The following POLR3G variants were observed in gnomAD, a reference collection of about 807,000 sequenced individuals.
The protein encoded by POLR3G is RNA polymerase III subunit G.
In POLR3G, 28 loss-of-function variants were observed where a neutral mutation model predicts 30.1. That is an observed-to-expected ratio of 0.93 (90% CI 0.69 to 1.27). The LOEUF (loss-of-function observed/expected upper bound fraction) is 1.27. Among genes scored for constraint, POLR3G ranks in the 50% most tolerant of loss-of-function variants. The pLI is 0.00. For missense variants in POLR3G, 254 were observed against 264.6 expected (o/e 0.96, Z 0.28); for synonymous variants, 79 against 82.5 (o/e 0.96, Z 0.23).
intron 1 of POLR3G, among the ~76,000 whole-genome samples, chr5:90,480,431 A>C (rs1751069040): frequency 6.6e-6 from 1 of 152,234 alleles, no homozygotes; most frequent in Admixed American, 6.5e-5. Flanking sequence ...AATGTGTCAA[A>C]AGCTAGGAAG....
At chr5:90,496,415 A>G (rs1231581607) in intron 4 of POLR3G, among the ~76,000 whole-genome samples, 2 of 152,238 alleles carry the variant, frequency 1.3e-5, no homozygotes, top group Non-Finnish European at 2.9e-5. Flanking sequence ...TTTGAAGAGA[A>G]AGCAAAAATC....
upstream of POLR3G, chr5:90,474,403 A>G: frequency 1.0e-6 from 1 of 1,003,124 alleles, no homozygotes; most frequent in Admixed American, 2.3e-5. Flanking sequence ...GCAGCCAGGG[A>G]GGAGGCGTAG....
rs575224096 is a variant in POLR3G at position 90,511,449 on chromosome 5, C to T, written c.586-604C>T. On this transcript the variant is annotated intron_variant, in intron 7 of 7. Coordinates refer to ENST00000651687, the MANE Select transcript of POLR3G (RefSeq NM_006467.3). ...TTTTGATTGTAAGATACTGGAGGCC[C>T]GGAAAAATAAATAAGAAAGTAATAT... 1.3e-4 allele frequency among the ~76,000 whole-genome samples: 20 copies of T among 151,672 alleles called. No individual in the cohort carries two copies. In the South Asian group the frequency reaches 2.9e-3, roughly 22 times the overall value.
At chr5:90,477,244 G>T (rs1304512949) in intron 1 of POLR3G, among the ~76,000 whole-genome samples, 1 of 152,184 alleles carries the variant, frequency 6.6e-6, no homozygotes, top group Non-Finnish European at 1.5e-5. Flanking sequence ...AGTGGATGTG[G>T]CAGGAAGGGC....
chr5:90,483,521 T>C (rs960019313), intron 1 of POLR3G, among the ~76,000 whole-genome samples: 5 of 152,180 alleles, frequency 3.3e-5, no homozygotes, highest in Non-Finnish European at 5.9e-5. Flanking sequence ...CAGGGTGCCA[T>C]TGGCCGGGCA....
upstream of POLR3G, chr5:90,474,294 C>G (rs781566837): frequency 6.2e-7 from 1 of 1,612,574 alleles, no homozygotes; most frequent in Non-Finnish European, 8.5e-7. Flanking sequence ...CGCCGACATG[C>G]TGGGCAGGGG....
rs1012477794 is a variant in POLR3G, at chr5:90,495,835, CTG to C, written c.304+103_304+104del. The C allele has an allele frequency of 3.6e-6, 5 of 1,388,708 alleles. No homozygotes were observed. The Admixed American group carries it at 9.7e-5, about 27-fold the overall frequency. The allele number at this position is 1,388,708 out of a possible 1,614,324, so 86.0% of individuals were successfully genotyped here. ...GTTTTCTATTTTTACCATAGGAAAACTGAGTCTGGTTCTTTTATTGTGATTAA... is the reference window on the plus strand; with the variant it reads ...GTTTTCTATTTTTACCATAGGAAAACAGTCTGGTTCTTTTATTGTGATTAA... On this transcript the variant is annotated intron_variant, in intron 4 of 7. Coordinates refer to ENST00000651687, the MANE Select transcript of POLR3G (RefSeq NM_006467.3).
upstream of POLR3G, chr5:90,474,455 A>C (rs149682226): frequency 1.2e-5 from 8 of 657,604 alleles, no homozygotes; most frequent in Non-Finnish European, 1.6e-5. Flanking sequence ...GAATAGGAGG[A>C]GGAAGGACGC....
intron 7 of POLR3G, among the ~76,000 whole-genome samples, chr5:90,509,833 C>T (rs1424007866): frequency 2.0e-5 from 3 of 152,048 alleles, no homozygotes; most frequent in Non-Finnish European, 4.4e-5. Flanking sequence ...CTTTGAATGT[C>T]AAGCTGAGAA....
At chr5:90,508,352 G>A (rs1752586899) in intron 7 of POLR3G, among the ~76,000 whole-genome samples, 1 of 150,914 alleles carries the variant, frequency 6.6e-6, no homozygotes, top group African/African-American at 2.4e-5. Flanking sequence ...ATCAAGGGAG[G>A]AAATCCCCTT....
intron 4 of POLR3G, among the ~76,000 whole-genome samples, chr5:90,496,890 A>G (rs1580210674): frequency 6.6e-6 from 1 of 152,310 alleles, no homozygotes; most frequent in Admixed American, 6.5e-5. Flanking sequence ...ATGATTCTCT[A>G]CATATTCCGT....
intron 3 of POLR3G, chr5:90,490,926 T>C (rs1751693764): frequency 1.3e-5 from 2 of 158,782 alleles, no homozygotes; most frequent in African/African-American, 2.4e-5. Flanking sequence ...ATATTCCGGA[T>C]AGAGATGTTG....
At chr5:90,498,715 G>A (rs1027137450) in intron 5 of POLR3G, among the ~76,000 whole-genome samples, 1 of 152,148 alleles carries the variant, frequency 6.6e-6, no homozygotes, top group African/African-American at 2.4e-5. Flanking sequence ...ATAAAATGGA[G>A]CTTTATGTTG....
chr5:90,494,491 C>T (rs1219121112), intron 3 of POLR3G, among the ~76,000 whole-genome samples: 2 of 152,266 alleles, frequency 1.3e-5, no homozygotes, highest in East Asian at 1.9e-4. Flanking sequence ...AGTGGCCACC[C>T]GATTTTACAT....
intron 1 of POLR3G, among the ~76,000 whole-genome samples, chr5:90,482,840 T>C (rs10942595): frequency 0.74 from 112,788 of 152,018 alleles, 41,968 homozygotes; most frequent in Admixed American, 0.79. Context: ...CCAAATTAAC[T>C]TTAAAATCTC....
Position 90,497,700 on chromosome 5 carries a change from A to G in POLR3G, c.349A>G (p.Lys117Glu). 6.2e-7 allele frequency: 1 copy of G among 1,602,730 alleles called. No individual in the cohort carries two copies. The highest frequency in any genetic ancestry group is 8.5e-7 in the Non-Finnish European group (1 of 1,174,876). Reference sequence around the variant, plus strand: ...AGAGATGATGCCAAGAAATAAATGTAAAAAAGGTACATTGACTAATATAAT... The same window carrying G: ...AGAGATGATGCCAAGAAATAAATGTGAAAAAGGTACATTGACTAATATAAT... ...PREMMPRNKC[K>E]KAGPKPKKAK... The change falls in exon 5 of 8, where the codon AAA (lysine) becomes GAA (glutamate). Residue 117 changes from lysine to glutamate, a missense_variant. Transcript: ENST00000651687.
chr5:90,506,736 A>G (rs1580220144), intron 7 of POLR3G, 62 bp downstream of exon 7: 7 of 1,499,180 alleles, frequency 4.7e-6, no homozygotes, highest in South Asian at 2.9e-5. Flanking sequence ...GGAATCAGAT[A>G]TAGAGTATGT....
chr5:90,495,785 A>C, intron 4 of POLR3G, 52 bp downstream of exon 4: 1 of 1,515,674 alleles, frequency 6.6e-7, no homozygotes. Context: ...TGTCTCTCTC[A>C]CCTCATGTTT....
intron 1 of POLR3G, among the ~76,000 whole-genome samples, chr5:90,477,987 TATTTCCTGTCATAGCCGTA>T (rs1167977068): frequency 6.6e-6 from 1 of 152,206 alleles, no homozygotes; most frequent in Non-Finnish European, 1.5e-5. Context: ...ATGGAGAGGA[TATTTCCTGTCATAGCCGTA>T]ATGTGAATTG....
Sources: allele counts gnomAD v4.1 joint callset (sites outside exome capture counted in the v4.1 genomes callset), GRCh38; gene constraint gnomAD v4.1.1; transcripts MANE v1.5; gene names NCBI Gene and HGNC (gene_info 2026-07-23, HGNC 2026-07-21).